RASA1: variants seen among roughly 807,000 people sequenced by gnomAD.
RASA1 encodes the protein RAS p21 protein activator 1, also known as ras GTPase-activating protein 1.
A neutral mutation model predicts 132.2 loss-of-function variants in RASA1; 25 were observed. That is an observed-to-expected ratio of 0.19 (90% CI 0.14 to 0.26). The LOEUF is 0.26. Ranked by LOEUF, RASA1 falls within the 10% of genes least tolerant of loss-of-function variation. The pLI is 1.00. For missense variants in RASA1, 964 were observed against 1,299.2 expected (o/e 0.74, Z 3.97); for synonymous variants, 477 against 449.9 (o/e 1.06, Z -0.76).
intron 20 of RASA1, 95 bp downstream of exon 20, chr5:87,380,690 C>CT (rs1374947027): frequency 2.5e-6 from 3 of 1,191,622 alleles, no homozygotes; most frequent in Non-Finnish European, 3.7e-6. Flanking sequence ...ATGCTTTTTT[C>CT]TTTGGCTTTT....
At position 87,268,116 on chromosome 5, in the gene RASA1, T is replaced by A. The variant is rs1420614472; in HGVS notation, c.-336T>A. On this transcript the variant is annotated 5_prime_UTR_variant, in exon 1 of 25. Transcript: ENST00000274376. ...CGGTAGCAGCCTCAGCCTCTTTCCC[T>A]GTGCTTCCTTTCCTCTTTAGTGCAG... is the stretch of plus-strand genomic sequence containing the variant. The A allele has an allele frequency of 2.1e-5, 9 of 422,010 alleles. No homozygotes were observed. Among genetic ancestry groups the A allele is most frequent in the Non-Finnish European group, 4.2e-6 (1 of 239,470 alleles). 26.1% of individuals were successfully genotyped at this position (422,010 alleles called of 1,614,324 possible).
chr5:87,311,698 C>G (rs943254203), intron 1 of RASA1, among the ~76,000 whole-genome samples: 47 of 152,282 alleles, frequency 3.1e-4, no homozygotes, highest in African/African-American at 1.1e-3. Context: ...TCTTGGTGTC[C>G]AGGGATCTTT....
At chr5:87,316,885 ATT>A (rs769140137) in intron 1 of RASA1, among the ~76,000 whole-genome samples, 14 of 143,278 alleles carry the variant, frequency 9.8e-5, no homozygotes, top group Non-Finnish European at 1.2e-4. Context: ...TGGATACCAC[ATT>A]TTTTTTTTTT....
At chr5:87,354,338 C>T (rs568365931) in intron 9 of RASA1, among the ~76,000 whole-genome samples, 2 of 152,156 alleles carry the variant, frequency 1.3e-5, no homozygotes, top group East Asian at 3.9e-4. Context: ...AAAGCAGGTG[C>T]TCATTTGTGT....
intron 6 of RASA1, among the ~76,000 whole-genome samples, chr5:87,344,374 A>T (rs1758691939): frequency 6.6e-6 from 1 of 152,070 alleles, no homozygotes; most frequent in South Asian, 2.1e-4. Flanking sequence ...ATTGAATCTT[A>T]TACTGATTCT....
intron 1 of RASA1, among the ~76,000 whole-genome samples, chr5:87,325,278 C>T (rs1420281957): frequency 1.3e-5 from 2 of 152,134 alleles, no homozygotes; most frequent in Non-Finnish European, 2.9e-5. Context: ...CCCACCGGGT[C>T]GGGTCCCACC....
intron 6 of RASA1, among the ~76,000 whole-genome samples, chr5:87,345,326 C>G (rs1459784113): frequency 6.6e-6 from 1 of 152,184 alleles, no homozygotes; most frequent in Non-Finnish European, 1.5e-5. Context: ...TCTTGTTCAT[C>G]TGTAAACCCT....
chr5:87,376,971 A>G lies in RASA1; in HGVS notation c.2275A>G (p.Ile759Val), dbSNP rs1761370623. The G allele has an allele frequency of 1.2e-6, 2 of 1,613,064 alleles. No individual in the cohort carries two copies. The highest frequency in any genetic ancestry group is 1.7e-6 in the Non-Finnish European group (2 of 1,179,118). The stretch of plus-strand genomic sequence containing the variant: ...ACTACTGGCCAGCATCCTACTGAGG[A>G]TTTTTCTTCACGAAAAGCTTGAATC... ...RTLLASILLR[I>V]FLHEKLESLL... The change falls in exon 17 of 25, where the codon ATT (isoleucine) becomes GTT (valine). Residue 759 changes from isoleucine to valine, a missense_variant. Around this residue, in one of 6 missense-constraint regions of RASA1, gnomAD observed 346 missense variants for 520.1 expected, o/e 0.67. Coordinates refer to ENST00000274376, the MANE Select transcript of RASA1 (RefSeq NM_002890.3).
At chr5:87,272,477 T>C in intron 1 of RASA1, among the ~76,000 whole-genome samples, 1 of 151,902 alleles carries the variant, frequency 6.6e-6, no homozygotes, top group Non-Finnish European at 1.5e-5. Flanking sequence ...TGGGTATTCT[T>C]GGAAAGGTCA....
chr5:87,374,459 A>AT (rs770426797), intron 14 of RASA1, 139 bp downstream of exon 14: 2,923 of 167,316 alleles, frequency 0.017, 5 homozygotes, highest in East Asian at 0.052. Context: ...ATATATATAT[A>AT]TTTTTTTTTT....
At chr5:87,374,085 T>TA in intron 13 of RASA1, 78 bp from the exon 14 acceptor site, 3 of 1,207,070 alleles carry the variant, frequency 2.5e-6, no homozygotes, top group Non-Finnish European at 3.2e-6. Context: ...CTTTGTATCT[T>TA]AGAGTAATTG....
At chr5:87,320,642 A>G (rs758853452) in intron 1 of RASA1, among the ~76,000 whole-genome samples, 4 of 152,220 alleles carry the variant, frequency 2.6e-5, no homozygotes, top group Non-Finnish European at 5.9e-5. Flanking sequence ...ATTTGCCTTC[A>G]TGATTCAATC....
At chr5:87,280,158 T>C (rs1754252704) in intron 1 of RASA1, among the ~76,000 whole-genome samples, 1 of 152,158 alleles carries the variant, frequency 6.6e-6, no homozygotes, top group South Asian at 2.1e-4. Context: ...GGTCTTACTC[T>C]CCTCATTCAC....
rs764868575 is a variant in RASA1 at position 87,389,565 on chromosome 5, A to AAAGAT, written c.3060+41_3060+45dup. The AAAGAT allele has an allele frequency of 4.5e-5, 73 of 1,607,776 alleles. 1 individual carries two copies. The South Asian group carries it at 7.0e-4, about 16-fold the overall frequency. Reference sequence around the variant, plus strand: ...CAGCCTTCATTAACAATGATGTTTCAAAGATAACACTTAGAGAGTTAATAA... The same window carrying AAAGAT: ...CAGCCTTCATTAACAATGATGTTTCAAAGATAAGATAACACTTAGAGAGTTAATAA... On this transcript the variant is annotated intron_variant, in intron 24 of 24. Coordinates refer to ENST00000274376, the MANE Select transcript of RASA1 (RefSeq NM_002890.3).
At chr5:87,370,187 C>T (rs1428783001) in intron 12 of RASA1, among the ~76,000 whole-genome samples, 2 of 152,158 alleles carry the variant, frequency 1.3e-5, no homozygotes, top group Non-Finnish European at 2.9e-5. Context: ...ATCCTCTCTG[C>T]ATAAAGGTTA....
At chr5:87,293,247 T>G (rs1754982301) in intron 1 of RASA1, among the ~76,000 whole-genome samples, 1 of 151,174 alleles carries the variant, frequency 6.6e-6, no homozygotes. Context: ...GATTTTTTGG[T>G]AGATTTTTTT....
chr5:87,367,873 T>C (rs1321876585), intron 11 of RASA1, among the ~76,000 whole-genome samples: 1 of 152,176 alleles, frequency 6.6e-6, no homozygotes, highest in Non-Finnish European at 1.5e-5. Flanking sequence ...TATCTTTGTC[T>C]TTTCTCTTAG....
chr5:87,272,892 G>A (rs918213087), intron 1 of RASA1, among the ~76,000 whole-genome samples: 3 of 152,172 alleles, frequency 2.0e-5, no homozygotes, highest in Admixed American at 1.3e-4. Context: ...GGAAGGAAAA[G>A]CCTTAAAGAC....
At chr5:87,364,290 A>G (rs1760338918) in intron 11 of RASA1, among the ~76,000 whole-genome samples, 1 of 152,146 alleles carries the variant, frequency 6.6e-6, no homozygotes, top group Non-Finnish European at 1.5e-5. Flanking sequence ...TGTAAAATAT[A>G]TAGCCTTGTC....
Sources: gnomAD v4.1 joint callset for allele counts (sites outside exome capture counted in the v4.1 genomes callset) on GRCh38, gnomAD v4.1.1 for gene constraint, gnomAD v4.1.1 regional missense constraint, MANE v1.5 for transcripts, NCBI Gene and HGNC (gene_info 2026-07-23, HGNC 2026-07-21) for gene names.